Variants in DMD observed in about 807,000 individuals in gnomAD.
The protein encoded by DMD is dystrophin.
DMD carries 63 observed loss-of-function variants against 330.1 expected under a neutral mutation model. That is an observed-to-expected ratio of 0.19 (90% CI 0.16 to 0.24). DMD has a LOEUF of 0.24. Among genes scored for constraint, DMD ranks in the 10% least tolerant of loss-of-function variants. DMD has a pLI of 1.00. For synonymous variants in DMD, 1,223 were observed against 959.8 expected (o/e 1.27, Z -5.07); for missense variants, 3,344 against 2,684.1 (o/e 1.25, Z -5.43).
intron 44 of DMD, among the ~76,000 whole-genome samples, chrX:32,074,839 G>A (rs1230298470): frequency 9.3e-6 from 1 of 107,393 alleles, no homozygotes; most frequent in Non-Finnish European, 1.9e-5. Context: ...TACGGAAGTG[G>A]AAGGGGAAAA....
chrX:32,919,319 T>G (rs2088153583), intron 2 of DMD, among the ~76,000 whole-genome samples: 1 of 111,962 alleles, frequency 8.9e-6, no homozygotes, highest in South Asian at 3.7e-4. Flanking sequence ...CCAGAGATAC[T>G]ATCCAACCTG....
At chrX:31,362,388 AC>A (rs1445160004) in intron 60 of DMD, among the ~76,000 whole-genome samples, 1 of 112,327 alleles carries the variant, frequency 8.9e-6, no homozygotes, top group Non-Finnish European at 1.9e-5. Context: ...TGTTTCACGC[AC>A]AAAAGTATTT....
At chrX:31,201,158 TACACACAC>T (rs57235865) in intron 67 of DMD, among the ~76,000 whole-genome samples, 19,382 of 97,965 alleles carry the variant, frequency 0.2, 1,550 homozygotes, top group Middle Eastern at 0.24. Flanking sequence ...AGAGACCCTG[TACACACAC>T]ACACACACAC....
intron 34 of DMD, among the ~76,000 whole-genome samples, chrX:32,375,709 C>A (rs961696761): frequency 1.4e-4 from 16 of 111,495 alleles, no homozygotes; most frequent in African/African-American, 5.2e-4. Flanking sequence ...AATTCCCAAA[C>A]ATCTTTCTGC....
At position 33,287,506 on chromosome X, in the gene DMD, G is replaced by C. The variant is rs529723311; in HGVS notation, c.7+51753C>G. ...AGCTGCTTGATAGTATTTCACCACAGGCATCAAGGATATTTATTATATTTT... is the reference window on the plus strand; with the variant it reads ...AGCTGCTTGATAGTATTTCACCACACGCATCAAGGATATTTATTATATTTT... On this transcript the variant is annotated intron_variant, in intron 1 of 17. Transcript: ENST00000288447. 1.7e-3 allele frequency among the ~76,000 whole-genome samples: 193 copies of C among 111,197 alleles called. 1 individual carries two copies. The highest frequency in any genetic ancestry group is 2.7e-3 in the Non-Finnish European group (142 of 53,094).
At chrX:31,383,968 A>G (rs1408697186) in intron 60 of DMD, among the ~76,000 whole-genome samples, 1 of 112,049 alleles carries the variant, frequency 8.9e-6, no homozygotes, top group East Asian at 2.8e-4. Flanking sequence ...GAGGTGCCAC[A>G]AGTGCGAGTA....
intron 7 of DMD, among the ~76,000 whole-genome samples, chrX:32,712,594 T>C (rs779629321): frequency 9.0e-6 from 1 of 111,534 alleles, no homozygotes; most frequent in African/African-American, 3.2e-5. Context: ...CTTAATTTTA[T>C]TTTGATGGGC....
At chrX:32,091,696 A>G (rs748112224) in intron 44 of DMD, among the ~76,000 whole-genome samples, 1 of 112,018 alleles carries the variant, frequency 8.9e-6, no homozygotes, top group Non-Finnish European at 1.9e-5. Context: ...TCAAGACATT[A>G]ATTAAAAGTC....
chrX:31,323,732 T>A (rs1456892157), intron 61 of DMD, 74 bp from the exon 62 acceptor site: 1 of 935,100 alleles, frequency 1.1e-6, no homozygotes, highest in Non-Finnish European at 1.5e-6. Flanking sequence ...AACATTAATC[T>A]CCAGAATTAC....
At chrX:33,062,928 T>C (rs2094599817) in intron 1 of DMD, among the ~76,000 whole-genome samples, 1 of 112,354 alleles carries the variant, frequency 8.9e-6, no homozygotes, top group African/African-American at 3.2e-5. Context: ...TTGGAAATTA[T>C]GGCATCAATT....
intron 44 of DMD, among the ~76,000 whole-genome samples, chrX:32,034,499 G>C (rs2095923547): frequency 9.0e-6 from 1 of 111,333 alleles, no homozygotes; most frequent in African/African-American, 3.3e-5. Context: ...TAGCTAAAAT[G>C]TATCATTTTG....
intron 44 of DMD, among the ~76,000 whole-genome samples, chrX:32,060,684 A>G (rs1351998318): frequency 8.9e-6 from 1 of 111,961 alleles, no homozygotes; most frequent in African/African-American, 3.2e-5. Context: ...CAATGTTCCT[A>G]GTGATAGACA....
chrX:31,305,809 G>A (rs888390960), intron 62 of DMD, among the ~76,000 whole-genome samples: 3 of 112,577 alleles, frequency 2.7e-5, no homozygotes, highest in Non-Finnish European at 5.6e-5. Context: ...CCTCTTTGGA[G>A]TTGCAGAAAA....
intron 41 of DMD, among the ~76,000 whole-genome samples, chrX:32,311,537 G>A (rs894324440): frequency 9.0e-6 from 1 of 111,431 alleles, no homozygotes; most frequent in Non-Finnish European, 1.9e-5. Flanking sequence ...CAAATTCACA[G>A]AATTGCACAA....
At chrX:31,946,101 TAC>T (rs1237294382) in intron 45 of DMD, among the ~76,000 whole-genome samples, 4 of 112,197 alleles carry the variant, frequency 3.6e-5, no homozygotes, top group African/African-American at 1.3e-4. Flanking sequence ...CAAAAGCACT[TAC>T]AGTCATTTGG....
chrX:32,562,760 G>T (rs963010672), intron 16 of DMD, among the ~76,000 whole-genome samples: 6 of 111,593 alleles, frequency 5.4e-5, no homozygotes, highest in Admixed American at 9.6e-5. Flanking sequence ...AAAATCAGTT[G>T]CTCTTATATG....
intron 1 of DMD, among the ~76,000 whole-genome samples, chrX:33,170,069 A>C (rs186606544): frequency 9.0e-6 from 1 of 111,454 alleles, no homozygotes; most frequent in Non-Finnish European, 1.9e-5. Flanking sequence ...TGGTAGACCC[A>C]TGAGGTTCCG....
At chrX:31,720,068 G>C (rs1417957045) in intron 52 of DMD, among the ~76,000 whole-genome samples, 1 of 111,922 alleles carries the variant, frequency 8.9e-6, no homozygotes, top group Non-Finnish European at 1.9e-5. Flanking sequence ...TTGTTTTACA[G>C]TAACAGGTAA....
chrX:32,637,587 T>C (rs932572090), intron 11 of DMD, among the ~76,000 whole-genome samples: 4 of 111,664 alleles, frequency 3.6e-5, no homozygotes, highest in Non-Finnish European at 7.5e-5. Context: ...AAAGACATAA[T>C]AGAGACTGGA....
Sources: gnomAD v4.1 joint callset for allele counts (sites outside exome capture counted in the v4.1 genomes callset) on GRCh38, gnomAD v4.1.1 for gene constraint, MANE v1.5 for transcripts, NCBI Gene and HGNC (gene_info 2026-07-23, HGNC 2026-07-21) for gene names.